The following FOXE3 variants were observed in gnomAD, a reference collection of about 807,000 sequenced individuals.
FOXE3 encodes forkhead box protein E3.
For synonymous variants in FOXE3, 274 were observed against 258.3 expected (o/e 1.06, Z -0.58); for missense variants, 520 against 507.8 (o/e 1.02, Z -0.23).
Position 47,417,258 on chromosome 1 carries a change from C to T in FOXE3, c.943C>T (p.Leu315=), listed in dbSNP as rs1473311737. Residue 315 remains leucine, a synonymous_variant, in exon 1 of 1, where the codon CTG becomes TTG. Transcript: ENST00000335071. The surrounding 1 kb of genome is among the most constrained non-coding windows in gnomAD (Gnocchi z 4.3). ...YLRQPGFASG[L]ERYL is the part of the protein sequence containing the mutation. ...GAGGCAGCCGGGCTTCGCGTCGGGG[C>T]TGGAGCGCTACCTGTGAGCCTGCGC... 7.3e-7 allele frequency: 1 copy of T among 1,366,452 alleles called. No individual in the cohort carries two copies. The highest frequency in any genetic ancestry group is 3.4e-5 in the Admixed American group (1 of 29,482). The allele number at this position is 1,366,452 out of a possible 1,614,324, so 84.6% of individuals were successfully genotyped here.
rs1031196506 is a variant in FOXE3 at position 47,416,453 on chromosome 1, T to C, written c.138T>C (p.Ala46=). 4.0e-5 allele frequency: 44 copies of C among 1,112,234 alleles called. No homozygotes were observed. The highest frequency in any genetic ancestry group is 4.8e-5 in the Non-Finnish European group (44 of 910,408). The allele number at this position is 1,112,234 out of a possible 1,614,324, so 68.9% of individuals were successfully genotyped here. The change falls in exon 1 of 1, where the codon GCT becomes GCC. Residue 46 remains alanine (A), a synonymous_variant. Transcript: ENST00000335071. This position sits in a 1 kb window ranked among gnomAD's most constrained non-coding sequence, Gnocchi z 4.2. ...GGCGGGAGCCAGAGGAGGCGGCGGC[T>C]GGCCGCGGAGAGGCGGCCCCCACGC... ...EPGREPEEAA[A]GRGEAAPTPA...
In FOXE3 at chr1:47,416,499, C is replaced by G. The variant is rs2124041910; in HGVS notation, c.184C>G (p.Arg62Gly). The G allele has an allele frequency of 8.0e-7, 1 of 1,256,524 alleles. No individual in the cohort carries two copies. The highest frequency in any genetic ancestry group is 1.0e-6 in the Non-Finnish European group (1 of 994,872). The allele number at this position is 1,256,524 out of a possible 1,614,324, so 77.8% of individuals were successfully genotyped here. Residue 62 changes from arginine to glycine, a missense_variant, in exon 1 of 1, where the codon CGG becomes GGG. Coordinates refer to ENST00000335071, the MANE Select transcript of FOXE3 (RefSeq NM_012186.3). The surrounding 1 kb of genome is among the most constrained non-coding windows in gnomAD (Gnocchi z 4.2). ...APTPAPGPGR[R>G]RRRPLQRGKP... ...CACGCCCGCGCCCGGCCCGGGGCGG[C>G]GGCGGCGGCGGCCCCTGCAGCGCGG...
Position 47,416,912 on chromosome 1 carries a change from G to A in FOXE3, c.597G>A (p.Leu199=). Residue 199 remains leucine (L), a synonymous_variant, in exon 1 of 1, where the codon CTG becomes CTA. Coordinates refer to ENST00000335071, the MANE Select transcript of FOXE3 (RefSeq NM_012186.3). This position sits in a 1 kb window ranked among gnomAD's most constrained non-coding sequence, Gnocchi z 4.2. ...APYAPAPGPA[L]LVPPPSAGPG... is the part of the protein sequence containing the mutation. Reference sequence around the variant, plus strand: ...ACGCGCCCGCGCCCGGCCCCGCGCTGCTGGTGCCGCCGCCTTCTGCCGGAC... The same window carrying A: ...ACGCGCCCGCGCCCGGCCCCGCGCTACTGGTGCCGCCGCCTTCTGCCGGAC... The A allele has an allele frequency of 7.6e-7, 1 of 1,318,054 alleles. No homozygotes were observed. The highest frequency in any genetic ancestry group is 9.8e-7 in the Non-Finnish European group (1 of 1,025,384). The allele number at this position is 1,318,054 out of a possible 1,614,324, so 81.6% of individuals were successfully genotyped here.
Position 47,416,656 on chromosome 1 carries a change from A to G in FOXE3, c.341A>G (p.Lys114Arg), listed in dbSNP as rs2124042559. The G allele has an allele frequency of 6.2e-7, 1 of 1,610,082 alleles. No individual in the cohort carries two copies. Among genetic ancestry groups the G allele is most frequent in the South Asian group, 1.1e-5 (1 of 90,968 alleles). Residue 114 changes from lysine to arginine, a missense_variant, in exon 1 of 1, where the codon AAG becomes AGG. By Grantham distance (26) the Lys-to-Arg change is conservative. Transcript: ENST00000335071. This position sits in a 1 kb window ranked among gnomAD's most constrained non-coding sequence, Gnocchi z 4.2. ...GCCTTCTACCGCGACAGCCCGCGCA[A>G]GTGGCAGAACAGCATCCGCCACAAT... Reference protein sequence around the residue: ...RFAFYRDSPRKWQNSIRHNLT... With the variant: ...RFAFYRDSPRRWQNSIRHNLT...
chr1:47,416,932 C>A lies in FOXE3; in HGVS notation c.617C>A (p.Ala206Asp), dbSNP rs1011363716. The change falls in exon 1 of 1, where the codon GCC becomes GAC. Residue 206 changes from alanine to aspartate, a missense_variant. Transcript: ENST00000335071. The surrounding 1 kb of genome is among the most constrained non-coding windows in gnomAD (Gnocchi z 4.2). Reference protein sequence around the residue: ...GPALLVPPPSAGPGPSPPARL... With the variant: ...GPALLVPPPSDGPGPSPPARL... ...GCGCTGCTGGTGCCGCCGCCTTCTG[C>A]CGGACCGGGCCCCTCGCCGCCCGCG... is the stretch of plus-strand genomic sequence containing the variant. 4.5e-6 allele frequency: 6 copies of A among 1,322,794 alleles called. No homozygotes were observed. The highest frequency in any genetic ancestry group is 5.8e-4 in the Middle Eastern group (2 of 3,454). 81.9% of individuals were successfully genotyped at this position (1,322,794 alleles called of 1,614,324 possible).
In FOXE3 at chr1:47,416,984, G is replaced by T. The variant is rs749630303; in HGVS notation, c.669G>T (p.Val223=). 1.7e-5 allele frequency: 23 copies of T among 1,354,372 alleles called. No homozygotes were observed. In the South Asian group the frequency reaches 3.1e-4, roughly 18 times the overall value. The allele number at this position is 1,354,372 out of a possible 1,614,324, so 83.9% of individuals were successfully genotyped here. Residue 223 remains valine, a synonymous_variant, in exon 1 of 1, where the codon GTG becomes GTT. Transcript: ENST00000335071. The surrounding 1 kb of genome is among the most constrained non-coding windows in gnomAD (Gnocchi z 4.2). ...PARLFSVDSL[V]NLQPELAGLG... ...GTCTGTTCAGCGTCGACAGCCTGGT[G>T]AACCTGCAGCCGGAGCTAGCGGGGC...
At position 47,417,276 on chromosome 1, in the gene FOXE3, G is replaced by T; in HGVS notation, c.*1G>T. On this transcript the variant is annotated 3_prime_UTR_variant, in exon 1 of 1. Coordinates refer to ENST00000335071, the MANE Select transcript of FOXE3 (RefSeq NM_012186.3). The surrounding 1 kb of genome is among the most constrained non-coding windows in gnomAD (Gnocchi z 4.3). ...GTCGGGGCTGGAGCGCTACCTGTGA[G>T]CCTGCGCCGCGCGGGCAGGCACCTG... is the stretch of plus-strand genomic sequence containing the variant. 1 of 1,353,352 alleles carries T rather than the reference G, an allele frequency of 7.4e-7. No homozygotes were observed. Among genetic ancestry groups the T allele is most frequent in the African/African-American group, 1.5e-5 (1 of 65,840 alleles). 83.8% of individuals were successfully genotyped at this position (1,353,352 alleles called of 1,614,324 possible). A position where few individuals can be genotyped will look rare whatever the true frequency, so the allele number is the denominator to read the frequency against.
rs560327746 is a variant in FOXE3 at position 47,416,934 on chromosome 1, G to A, written c.619G>A (p.Gly207Arg). 1.4e-4 allele frequency: 189 copies of A among 1,326,386 alleles called. 1 individual carries two copies. Among genetic ancestry groups the A allele is most frequent in the African/African-American group, 7.7e-4 (49 of 63,556 alleles). 82.2% of individuals were successfully genotyped at this position (1,326,386 alleles called of 1,614,324 possible). The change falls in exon 1 of 1, where the codon GGA becomes AGA. Residue 207 changes from glycine (G) to arginine (R), a missense_variant. Transcript: ENST00000335071. The surrounding 1 kb of genome is among the most constrained non-coding windows in gnomAD (Gnocchi z 4.2). ...PALLVPPPSAGPGPSPPARLF... is the reference protein window; with the variant it reads ...PALLVPPPSARPGPSPPARLF... ...GCTGCTGGTGCCGCCGCCTTCTGCCGGACCGGGCCCCTCGCCGCCCGCGCG... is the reference window on the plus strand; with the variant it reads ...GCTGCTGGTGCCGCCGCCTTCTGCCAGACCGGGCCCCTCGCCGCCCGCGCG...
chr1:47,416,579 G>A lies in FOXE3; in HGVS notation c.264G>A (p.Pro88=). ...ALIAMALAHA[P]GRRLTLAAIY... is the part of the protein sequence containing the mutation. ...TCGCCATGGCTCTGGCGCACGCCCCGGGCCGCCGCCTCACGCTGGCCGCCA... is the reference window on the plus strand; with the variant it reads ...TCGCCATGGCTCTGGCGCACGCCCCAGGCCGCCGCCTCACGCTGGCCGCCA... Residue 88 remains proline (P), a synonymous_variant, in exon 1 of 1, where the codon CCG becomes CCA. Coordinates refer to ENST00000335071, the MANE Select transcript of FOXE3 (RefSeq NM_012186.3). This position sits in a 1 kb window ranked among gnomAD's most constrained non-coding sequence, Gnocchi z 4.2. 1 of 1,573,902 alleles carries A rather than the reference G, an allele frequency of 6.4e-7. No homozygotes were observed. The highest frequency in any genetic ancestry group is 8.6e-7 in the Non-Finnish European group (1 of 1,156,536).
chr1:47,417,170 C>T lies in FOXE3; in HGVS notation c.855C>T (p.Pro285=), dbSNP rs1646890488. The T allele has an allele frequency of 2.2e-6, 3 of 1,390,076 alleles. No individual in the cohort carries two copies. The highest frequency in any genetic ancestry group is 2.8e-6 in the Non-Finnish European group (3 of 1,079,748). The allele number at this position is 1,390,076 out of a possible 1,614,324, so 86.1% of individuals were successfully genotyped here. A position where few individuals can be genotyped will look rare whatever the true frequency, so the allele number is the denominator to read the frequency against. The part of the protein sequence containing the change: ...RPGPGPLPAE[P]LLALAGPAAA... Reference sequence around the variant, plus strand: ...GCCCCGGCCCGCTGCCCGCTGAGCCCCTCCTGGCCTTGGCCGGGCCGGCAG... The same window carrying T: ...GCCCCGGCCCGCTGCCCGCTGAGCCTCTCCTGGCCTTGGCCGGGCCGGCAG... Residue 285 remains proline, a synonymous_variant, in exon 1 of 1, where the codon CCC becomes CCT. Coordinates refer to ENST00000335071, the MANE Select transcript of FOXE3 (RefSeq NM_012186.3). The surrounding 1 kb of genome is among the most constrained non-coding windows in gnomAD (Gnocchi z 4.3).
chr1:47,416,325 C>A lies in FOXE3; in HGVS notation c.10C>A (p.Arg4Ser), dbSNP rs1409833032. 7.4e-7 allele frequency: 1 copy of A among 1,355,280 alleles called. No individual in the cohort carries two copies. The highest frequency in any genetic ancestry group is 9.5e-7 in the Non-Finnish European group (1 of 1,047,804). 84.0% of individuals were successfully genotyped at this position (1,355,280 alleles called of 1,614,324 possible). MAG[R>S]SDMDPPAAFS... ...GGGGCTGCCGCAGCCGATGGCGGGG[C>A]GCAGCGACATGGATCCGCCCGCCGC... Residue 4 changes from arginine (R) to serine (S), a missense_variant, in exon 1 of 1, where the codon CGC becomes AGC. Physicochemically the swap from Arg to Ser is moderately radical, Grantham distance 110. Coordinates refer to ENST00000335071, the MANE Select transcript of FOXE3 (RefSeq NM_012186.3). The surrounding 1 kb of genome is among the most constrained non-coding windows in gnomAD (Gnocchi z 4.2).
In FOXE3 at chr1:47,417,429, T is replaced by A. The variant is rs1646892665; in HGVS notation, c.*154T>A. 1 of 518,510 alleles carries A rather than the reference T, an allele frequency of 1.9e-6. No homozygotes were observed. The highest frequency in any genetic ancestry group is 4.5e-5 in the Admixed American group (1 of 22,006). The allele number at this position is 518,510 out of a possible 1,614,324, so 32.1% of individuals were successfully genotyped here. On this transcript the variant is annotated 3_prime_UTR_variant, in exon 1 of 1. Coordinates refer to ENST00000335071, the MANE Select transcript of FOXE3 (RefSeq NM_012186.3). The surrounding 1 kb of genome is among the most constrained non-coding windows in gnomAD (Gnocchi z 4.3). The stretch of plus-strand genomic sequence containing the variant: ...GACTCAAACTCCTGCTACATCCTTC[T>A]CCGTCCCCCATCCCTGGGGAGGCTC...
In FOXE3 at chr1:47,416,929, C is replaced by G; in HGVS notation, c.614C>G (p.Ser205Cys). ...PGPALLVPPP[S>C]AGPGPSPPAR... is the part of the protein sequence containing the mutation. ...CCCGCGCTGCTGGTGCCGCCGCCTT[C>G]TGCCGGACCGGGCCCCTCGCCGCCC... is the stretch of plus-strand genomic sequence containing the variant. Residue 205 changes from serine to cysteine, a missense_variant, in exon 1 of 1, where the codon TCT (serine) becomes TGT (cysteine). By Grantham distance (112) the Ser-to-Cys change is moderately radical. Coordinates refer to ENST00000335071, the MANE Select transcript of FOXE3 (RefSeq NM_012186.3). This position sits in a 1 kb window ranked among gnomAD's most constrained non-coding sequence, Gnocchi z 4.2. The G allele has an allele frequency of 7.5e-7, 1 of 1,325,882 alleles. No homozygotes were observed. Among genetic ancestry groups the G allele is most frequent in the Non-Finnish European group, 9.7e-7 (1 of 1,029,690 alleles). The allele number at this position is 1,325,882 out of a possible 1,614,324, so 82.1% of individuals were successfully genotyped here.
At position 47,416,906 on chromosome 1, in the gene FOXE3, C is replaced by G; in HGVS notation, c.591C>G (p.Pro197=). The G allele has an allele frequency of 1.5e-6, 2 of 1,317,828 alleles. No homozygotes were observed. Among genetic ancestry groups the G allele is most frequent in the Non-Finnish European group, 1.9e-6 (2 of 1,026,138 alleles). The allele number at this position is 1,317,828 out of a possible 1,614,324, so 81.6% of individuals were successfully genotyped here. A position where few individuals can be genotyped will look rare whatever the true frequency, so the allele number is the denominator to read the frequency against. The change falls in exon 1 of 1, where the codon CCC becomes CCG. Residue 197 remains proline, a synonymous_variant. Transcript: ENST00000335071. The surrounding 1 kb of genome is among the most constrained non-coding windows in gnomAD (Gnocchi z 4.2). ...PYAPYAPAPG[P]ALLVPPPSAG... ...CGCCCTACGCGCCCGCGCCCGGCCC[C>G]GCGCTGCTGGTGCCGCCGCCTTCTG... is the stretch of plus-strand genomic sequence containing the variant.
Position 47,417,292 on chromosome 1 carries a change from CA to C in FOXE3, c.*18del. ...TACCTGTGAGCCTGCGCCGCGCGGG[CA>C]GGCACCTGTGCGACCTGTGCCCCGG... On this transcript the variant is annotated 3_prime_UTR_variant, in exon 1 of 1. Transcript: ENST00000335071. The surrounding 1 kb of genome is among the most constrained non-coding windows in gnomAD (Gnocchi z 4.3). 1 of 1,340,636 alleles carries C rather than the reference CA, an allele frequency of 7.5e-7. No homozygotes were observed. Among genetic ancestry groups the C allele is most frequent in the Non-Finnish European group, 9.6e-7 (1 of 1,046,984 alleles). The allele number at this position is 1,340,636 out of a possible 1,614,324, so 83.0% of individuals were successfully genotyped here. A position where few individuals can be genotyped will look rare whatever the true frequency, so the allele number is the denominator to read the frequency against.
Position 47,416,468 on chromosome 1 carries a change from G to A in FOXE3, c.153G>A (p.Ala51=). 1 of 1,135,050 alleles carries A rather than the reference G, an allele frequency of 8.8e-7. No homozygotes were observed. The highest frequency in any genetic ancestry group is 1.1e-6 in the Non-Finnish European group (1 of 925,276). The allele number at this position is 1,135,050 out of a possible 1,614,324, so 70.3% of individuals were successfully genotyped here. A position where few individuals can be genotyped will look rare whatever the true frequency, so the allele number is the denominator to read the frequency against. Residue 51 remains alanine, a synonymous_variant, in exon 1 of 1, where the codon GCG becomes GCA. Transcript: ENST00000335071. The surrounding 1 kb of genome is among the most constrained non-coding windows in gnomAD (Gnocchi z 4.2). The part of the protein sequence containing the change: ...PEEAAAGRGE[A]APTPAPGPGR... Reference sequence around the variant, plus strand: ...AGGCGGCGGCTGGCCGCGGAGAGGCGGCCCCCACGCCCGCGCCCGGCCCGG... The same window carrying A: ...AGGCGGCGGCTGGCCGCGGAGAGGCAGCCCCCACGCCCGCGCCCGGCCCGG...
Position 47,416,662 on chromosome 1 carries a change from A to G in FOXE3, c.347A>G (p.Gln116Arg), listed in dbSNP as rs1402884465. 1 of 1,610,082 alleles carries G rather than the reference A, an allele frequency of 6.2e-7. No individual in the cohort carries two copies. The highest frequency in any genetic ancestry group is 8.5e-7 in the Non-Finnish European group (1 of 1,178,050). The change falls in exon 1 of 1, where the codon CAG becomes CGG. Residue 116 changes from glutamine (Q) to arginine (R), a missense_variant. By Grantham distance (43) the Gln-to-Arg change is conservative. Coordinates refer to ENST00000335071, the MANE Select transcript of FOXE3 (RefSeq NM_012186.3). The surrounding 1 kb of genome is among the most constrained non-coding windows in gnomAD (Gnocchi z 4.2). ...AFYRDSPRKW[Q>R]NSIRHNLTLN... is the part of the protein sequence containing the mutation. ...TACCGCGACAGCCCGCGCAAGTGGC[A>G]GAACAGCATCCGCCACAATCTCACG...
In FOXE3 at chr1:47,416,718, G is replaced by A; in HGVS notation, c.403G>A (p.Glu135Lys). The A allele has an allele frequency of 1.9e-6, 3 of 1,608,968 alleles. No homozygotes were observed. Among genetic ancestry groups the A allele is most frequent in the Non-Finnish European group, 2.5e-6 (3 of 1,177,470 alleles). ...LNDCFVKVPR[E>K]PGNPGKGNYW... ...CGACTGCTTCGTCAAGGTGCCCCGC[G>A]AGCCGGGCAACCCGGGCAAGGGCAA... The change falls in exon 1 of 1, where the codon GAG becomes AAG. Residue 135 changes from glutamate to lysine, a missense_variant. Coordinates refer to ENST00000335071, the MANE Select transcript of FOXE3 (RefSeq NM_012186.3). This position sits in a 1 kb window ranked among gnomAD's most constrained non-coding sequence, Gnocchi z 4.2.
In FOXE3 at chr1:47,417,495, G is replaced by C; in HGVS notation, c.*220G>C. On this transcript the variant is annotated 3_prime_UTR_variant, in exon 1 of 1. Coordinates refer to ENST00000335071, the MANE Select transcript of FOXE3 (RefSeq NM_012186.3). The surrounding 1 kb of genome is among the most constrained non-coding windows in gnomAD (Gnocchi z 4.3). ...TGGACAGAAGCGTCCCCTTTGACCT[G>C]CCAGCCTCTCATTTCTTCTCCCTCC... 1 of 382,890 alleles carries C rather than the reference G, an allele frequency of 2.6e-6. No individual in the cohort carries two copies. Among genetic ancestry groups the C allele is most frequent in the Admixed American group, 4.7e-5 (1 of 21,224 alleles). The allele number at this position is 382,890 out of a possible 1,614,324, so 23.7% of individuals were successfully genotyped here. A position where few individuals can be genotyped will look rare whatever the true frequency, so the allele number is the denominator to read the frequency against.
Sources: gnomAD v4.1 joint callset for allele counts on GRCh38, gnomAD v4.1.1 for gene constraint, Gnocchi (gnomAD v3.1) non-coding constraint, MANE v1.5 for transcripts, NCBI Gene and HGNC (gene_info 2026-07-23, HGNC 2026-07-21) for gene names.